The following CTNNA2 variants were observed in gnomAD, a reference collection of about 807,000 sequenced individuals.
CTNNA2 encodes catenin alpha 2.
CTNNA2 carries 42 observed loss-of-function variants against 101.0 expected under a neutral mutation model. That is an observed-to-expected ratio of 0.42 (90% CI 0.32 to 0.54). The LOEUF (loss-of-function observed/expected upper bound fraction) is 0.54, where lower values mean the gene tolerates loss of function less well. Ranked by LOEUF, CTNNA2 falls within the 20% of genes least tolerant of loss-of-function variation. CTNNA2 has a pLI of 0.14. For missense variants in CTNNA2, 871 were observed against 1,223.1 expected (o/e 0.71, Z 4.29); for synonymous variants, 450 against 456.4 (o/e 0.99, Z 0.18).
intron 3 of CTNNA2, among the ~76,000 whole-genome samples, chr2:79,790,232 C>T (rs143412397): frequency 3.9e-5 from 6 of 152,078 alleles, no homozygotes; most frequent in South Asian, 4.2e-4. Context: ...GAGGAATTTC[C>T]GCTAGGAACT....
intron 1 of CTNNA2, among the ~76,000 whole-genome samples, chr2:79,519,548 C>T (rs996514386): frequency 1.3e-5 from 2 of 152,100 alleles, no homozygotes; most frequent in African/African-American, 2.4e-5. Context: ...GTGACTTAGA[C>T]TTATATCTAG....
chr2:79,746,244 C>T (rs890403555), intron 3 of CTNNA2, among the ~76,000 whole-genome samples: 1 of 152,038 alleles, frequency 6.6e-6, no homozygotes, highest in Admixed American at 6.6e-5. Context: ...ATTTCTGAAT[C>T]AAGTTGTTTG....
intron 2 of CTNNA2, among the ~76,000 whole-genome samples, chr2:79,723,302 A>T (rs1488556045): frequency 1.3e-5 from 2 of 152,190 alleles, no homozygotes; most frequent in African/African-American, 4.8e-5. Context: ...ATACTTTCTC[A>T]TTTGTGAAGA....
At chr2:80,599,695 T>G (rs1697298841) in intron 15 of CTNNA2, among the ~76,000 whole-genome samples, 1 of 152,192 alleles carries the variant, frequency 6.6e-6, no homozygotes. Context: ...TATGAGATAT[T>G]CAGGATTTCC....
intron 7 of CTNNA2, among the ~76,000 whole-genome samples, chr2:80,017,347 AC>A (rs1009096351): frequency 5.3e-5 from 8 of 152,188 alleles, no homozygotes; most frequent in African/African-American, 1.4e-4. Context: ...GAGTAAAAAA[AC>A]AAATGGTAGT....
intron 3 of CTNNA2, among the ~76,000 whole-genome samples, chr2:79,786,652 C>T (rs1437225728): frequency 2.0e-5 from 3 of 152,090 alleles, no homozygotes; most frequent in African/African-American, 7.2e-5. Context: ...TGTCTTTACA[C>T]TGCAACACTA....
chr2:79,256,276 C>T (rs1334566146), intron 2 of CTNNA2, among the ~76,000 whole-genome samples: 1 of 152,090 alleles, frequency 6.6e-6, no homozygotes, highest in African/African-American at 2.4e-5. Flanking sequence ...GCCACCTCAC[C>T]CCGACAACTC....
chr2:80,158,661 A>G (rs1164481642), intron 7 of CTNNA2, among the ~76,000 whole-genome samples: 1 of 152,120 alleles, frequency 6.6e-6, no homozygotes, highest in East Asian at 1.9e-4. Context: ...TGTAATCCCA[A>G]TACTTTGGGA....
intron 2 of CTNNA2, among the ~76,000 whole-genome samples, chr2:79,691,539 G>A (rs572363729): frequency 6.6e-5 from 10 of 151,780 alleles, no homozygotes; most frequent in South Asian, 2.1e-4. Context: ...AAATTCATAC[G>A]GAACCAAAAA....
chr2:80,591,409 G>A (rs574004437), intron 15 of CTNNA2, among the ~76,000 whole-genome samples: 4 of 145,014 alleles, frequency 2.8e-5, no homozygotes, highest in Non-Finnish European at 6.0e-5. Context: ...CGTTTGAAAT[G>A]CAACACAGGA....
At chr2:79,662,953 G>A (rs986887395) in intron 2 of CTNNA2, among the ~76,000 whole-genome samples, 2 of 152,088 alleles carry the variant, frequency 1.3e-5, no homozygotes, top group East Asian at 3.9e-4. Flanking sequence ...AAATGTTCAC[G>A]CTGTTCAGGC....
chr2:80,521,760 G>C (rs115045310), intron 9 of CTNNA2, among the ~76,000 whole-genome samples: 4 of 152,082 alleles, frequency 2.6e-5, no homozygotes, highest in African/African-American at 7.2e-5. Context: ...ATTTTAGCCC[G>C]GCGAGCCCCA....
chr2:79,462,316 C>T (rs1670888791), intron 4 of CTNNA2, among the ~76,000 whole-genome samples: 1 of 152,188 alleles, frequency 6.6e-6, no homozygotes, highest in Non-Finnish European at 1.5e-5. Context: ...CACAGGCATG[C>T]TCCTCTTCAA....
At chr2:79,829,842 C>T (rs933333237) in intron 3 of CTNNA2, among the ~76,000 whole-genome samples, 2 of 151,888 alleles carry the variant, frequency 1.3e-5, no homozygotes, top group East Asian at 4.0e-4. Flanking sequence ...GCCTCAGCCT[C>T]CCGAGTAGCT....
intron 7 of CTNNA2, among the ~76,000 whole-genome samples, chr2:80,285,451 C>G (rs373159197): frequency 6.6e-6 from 1 of 152,154 alleles, no homozygotes; most frequent in East Asian, 1.9e-4. Context: ...AGTCAACTAA[C>G]ACTTTAAGAT....
intron 7 of CTNNA2, among the ~76,000 whole-genome samples, chr2:80,117,216 G>A (rs1701573745): frequency 6.6e-6 from 1 of 152,110 alleles, no homozygotes; most frequent in South Asian, 2.1e-4. Flanking sequence ...TAGTGAATAA[G>A]TGGAGAGAAG....
chr2:79,635,594 C>T lies in CTNNA2; in HGVS notation c.-5-15958C>T, dbSNP rs543937630. 4.7e-5 allele frequency among the ~76,000 whole-genome samples: 7 copies of T among 149,456 alleles called. No homozygotes were observed. The South Asian group carries it at 1.5e-3, about 32-fold the overall frequency. The stretch of plus-strand genomic sequence containing the variant: ...TCTCGGCTCATTGCAACCTCTGCCT[C>T]CCAGGCTCAAGCAATTTTCCTGCCT... On this transcript the variant is annotated intron_variant, in intron 1 of 18. Transcript: ENST00000402739.
At chr2:80,460,717 A>G (rs1001498001) in intron 9 of CTNNA2, among the ~76,000 whole-genome samples, 1 of 152,082 alleles carries the variant, frequency 6.6e-6, no homozygotes, top group Non-Finnish European at 1.5e-5. Flanking sequence ...AGTCTTCCCT[A>G]TTGGTTTGCA....
At chr2:79,593,458 T>C (rs1676990347) in intron 1 of CTNNA2, among the ~76,000 whole-genome samples, 2 of 152,220 alleles carry the variant, frequency 1.3e-5, no homozygotes, top group African/African-American at 4.8e-5. Context: ...TGTAGTATCT[T>C]GCTCTGACCA....
Sources: gnomAD v4.1 joint callset for allele counts (sites outside exome capture counted in the v4.1 genomes callset) on GRCh38, gnomAD v4.1.1 for gene constraint, MANE v1.5 for transcripts, NCBI Gene and HGNC (gene_info 2026-07-23, HGNC 2026-07-21) for gene names.